The following PPME1 variants were observed in gnomAD, a reference collection of about 807,000 sequenced individuals.
The protein encoded by PPME1 is testicular secretory protein Li 39.
In PPME1, 17 loss-of-function variants were observed where a neutral mutation model predicts 56.9. The observed-to-expected ratio is 0.30, with a 90% CI of 0.20 to 0.45. The LOEUF (loss-of-function observed/expected upper bound fraction) is 0.45, where lower values mean the gene tolerates loss of function less well. PPME1 is among the 20% of genes least tolerant of loss of function. The pLI, the probability that PPME1 is intolerant of heterozygous loss-of-function variation, is 1.00. For missense variants in PPME1, 357 were observed against 483.2 expected, an observed-to-expected ratio of 0.74 and a Z score of 2.45; for synonymous variants, 122 against 156.2, an observed-to-expected ratio of 0.78 and a Z score of 1.63.
chr11:74,251,193 GT>G, intron 12 of PPME1, 175 bp downstream of exon 12: 1 of 1,450,444 alleles, frequency 6.9e-7, no homozygotes, highest in Non-Finnish European at 9.1e-7. Context: ...TATGGTATTG[GT>G]TTTGTGTATA....
At chr11:74,217,353 C>A (rs1858675756) in intron 3 of PPME1, among the ~76,000 whole-genome samples, 1 of 151,782 alleles carries the variant, frequency 6.6e-6, no homozygotes, top group African/African-American at 2.4e-5. Context: ...ATCAGCCTGG[C>A]CAACATGGTG....
chr11:74,176,705 G>C (rs141997684), intron 1 of PPME1, among the ~76,000 whole-genome samples: 2,310 of 147,250 alleles, frequency 0.016, 75 homozygotes, highest in African/African-American at 0.056. Context: ...TTTTTTCCTG[G>C]TACCTGTGTA....
intron 1 of PPME1, among the ~76,000 whole-genome samples, chr11:74,177,462 A>G (rs1857428598): frequency 6.6e-6 from 1 of 152,132 alleles, no homozygotes; most frequent in Non-Finnish European, 1.5e-5. Context: ...AAAAAAAAAA[A>G]AAGTCTTCTT....
intron 1 of PPME1, among the ~76,000 whole-genome samples, chr11:74,200,672 C>T (rs921449993): frequency 3.9e-5 from 6 of 151,942 alleles, no homozygotes; most frequent in Admixed American, 1.3e-4. Context: ...CATGAGCCAC[C>T]GTGCCTGGCC....
At chr11:74,202,208 C>T (rs1246788754) in intron 1 of PPME1, among the ~76,000 whole-genome samples, 1 of 152,294 alleles carries the variant, frequency 6.6e-6, no homozygotes, top group South Asian at 2.1e-4. Context: ...AAATCATGTA[C>T]TCTATCTTTA....
At chr11:74,217,107 G>GTA (rs1487767070) in intron 3 of PPME1, among the ~76,000 whole-genome samples, 1 of 152,150 alleles carries the variant, frequency 6.6e-6, no homozygotes, top group African/African-American at 2.4e-5. Flanking sequence ...AATACTTTCA[G>GTA]ACTCCTTCTA....
At chr11:74,217,568 A>T (rs1858686468) in intron 3 of PPME1, among the ~76,000 whole-genome samples, 1 of 151,694 alleles carries the variant, frequency 6.6e-6, no homozygotes, top group African/African-American at 2.4e-5. Context: ...AAAAAAGGAA[A>T]AAGATTATTC....
intron 9 of PPME1, among the ~76,000 whole-genome samples, chr11:74,240,273 C>T (rs1859323292): frequency 6.6e-6 from 1 of 152,156 alleles, no homozygotes; most frequent in Non-Finnish European, 1.5e-5. Flanking sequence ...CATCTGTTGA[C>T]TCATGTTGTC....
intron 1 of PPME1, among the ~76,000 whole-genome samples, chr11:74,175,378 G>C (rs1014123587): frequency 6.6e-6 from 1 of 152,064 alleles, no homozygotes; most frequent in African/African-American, 2.4e-5. Flanking sequence ...GCACATGCCT[G>C]TAATCCCAGC....
intron 3 of PPME1, among the ~76,000 whole-genome samples, chr11:74,212,249 C>CA (rs761424869): frequency 1.3e-5 from 2 of 152,184 alleles, no homozygotes; most frequent in Non-Finnish European, 2.9e-5. Flanking sequence ...GCTGCCCTGT[C>CA]ACAGTGGAAA....
Position 74,188,531 on chromosome 11 carries a change from C to A in PPME1, c.102-15197C>A, listed in dbSNP as rs148110187. Among the ~76,000 whole-genome samples, 767 of 152,210 alleles carry A rather than the reference C, an allele frequency of 5.0e-3. 5 individuals are homozygous for A. The highest frequency in any genetic ancestry group is 8.8e-3 in the Non-Finnish European group (597 of 67,998). ...AGGACAAAAGGAATCAAGCGTTCAC[C>A]CTGACATTTTCATTTCAAAATTAAG... On this transcript the variant is annotated intron_variant, in intron 1 of 13. Transcript: ENST00000328257.
At chr11:74,219,280 T>C (rs1272724845) in intron 3 of PPME1, among the ~76,000 whole-genome samples, 1 of 151,680 alleles carries the variant, frequency 6.6e-6, no homozygotes, top group Non-Finnish European at 1.5e-5. Context: ...TCATACACTG[T>C]TGGTGAGAAT....
At chr11:74,224,110 T>A (rs1262973632) in intron 4 of PPME1, among the ~76,000 whole-genome samples, 1 of 149,604 alleles carries the variant, frequency 6.7e-6, no homozygotes, top group African/African-American at 2.5e-5. Context: ...CATCTTGAAT[T>A]GATTTTTGTA....
intron 5 of PPME1, among the ~76,000 whole-genome samples, chr11:74,225,794 T>C (rs922750259): frequency 1.3e-5 from 2 of 152,154 alleles, no homozygotes; most frequent in African/African-American, 4.8e-5. Context: ...TTACTAGACA[T>C]ACAGATGACT....
intron 7 of PPME1, among the ~76,000 whole-genome samples, chr11:74,231,701 G>A (rs1859071766): frequency 6.6e-6 from 1 of 152,076 alleles, no homozygotes; most frequent in Non-Finnish European, 1.5e-5. Context: ...GGTTTCTAAG[G>A]CATCATCCAC....
At chr11:74,180,831 A>C (rs1457761914) in intron 1 of PPME1, among the ~76,000 whole-genome samples, 6 of 152,106 alleles carry the variant, frequency 3.9e-5, no homozygotes. Flanking sequence ...TGCCCAATTT[A>C]TCACTTATTC....
At chr11:74,222,942 TA>T (rs1372768912) in intron 4 of PPME1, among the ~76,000 whole-genome samples, 2 of 148,532 alleles carry the variant, frequency 1.3e-5, no homozygotes, top group East Asian at 1.9e-4. Flanking sequence ...TTTTTTTTTT[TA>T]ATTTTTTTTT....
intron 3 of PPME1, among the ~76,000 whole-genome samples, chr11:74,217,541 C>CAAAA (rs61139169): frequency 5.1e-5 from 4 of 79,028 alleles, no homozygotes; most frequent in Non-Finnish European, 9.8e-5. Context: ...GACTCCGTCT[C>CAAAA]AAAAAAAAAA....
intron 4 of PPME1, among the ~76,000 whole-genome samples, chr11:74,224,044 C>A (rs1858870937): frequency 6.6e-6 from 1 of 151,970 alleles, no homozygotes; most frequent in Admixed American, 6.6e-5. Flanking sequence ...ATGGTGATGC[C>A]TAGGTTTTCT....
Sources: allele counts gnomAD v4.1 joint callset (sites outside exome capture counted in the v4.1 genomes callset), GRCh38; gene constraint gnomAD v4.1.1; transcripts MANE v1.5; gene names NCBI Gene and HGNC (gene_info 2026-07-23, HGNC 2026-07-21).